ARHGEF3: variants seen among roughly 807,000 people sequenced by gnomAD.
ARHGEF3 encodes the protein 59.8 kDA protein.
Under a neutral mutation model 63.2 loss-of-function variants are expected in ARHGEF3, and 28 were observed. That is an observed-to-expected ratio of 0.44 (90% CI 0.33 to 0.61). ARHGEF3 has a LOEUF of 0.61. Among genes scored for constraint, ARHGEF3 ranks in the 20% least tolerant of loss-of-function variants. The pLI, the probability that ARHGEF3 is intolerant of heterozygous loss-of-function variation, is 0.03. For synonymous variants in ARHGEF3, 266 were observed against 254.2 expected, an observed-to-expected ratio of 1.05 and a Z score of -0.44; for missense variants, 533 against 659.3, an observed-to-expected ratio of 0.81 and a Z score of 2.10.
intron 1 of ARHGEF3, among the ~76,000 whole-genome samples, chr3:56,774,799 G>A (rs1019046687): frequency 4.6e-5 from 7 of 151,996 alleles, no homozygotes; most frequent in African/African-American, 1.7e-4. Flanking sequence ...CTCGGGAGGC[G>A]TGGGATTGCT....
chr3:56,939,762 G>T (rs1452649787), intron 3 of ARHGEF3: 1 of 152,168 alleles, frequency 6.6e-6, no homozygotes, highest in Admixed American at 6.5e-5. Context: ...CCCACATGGA[G>T]TCAGACAGGA....
Position 56,919,172 on chromosome 3 carries a change from T to G in ARHGEF3, c.130-36818A>C, listed in dbSNP as rs376205894. 3.9e-5 allele frequency among the ~76,000 whole-genome samples: 6 copies of G among 152,304 alleles called. 1 individual carries two copies. The highest frequency in any genetic ancestry group is 3.9e-4 in the East Asian group (2 of 5,176). On this transcript the variant is annotated intron_variant, in intron 3 of 12. Transcript: ENST00000338458. ...TCCAGGGTGAGCAGACATTCTAATTTTTTCAATAGAAGCCTGAAATTCAGG... is the reference window on the plus strand; with the variant it reads ...TCCAGGGTGAGCAGACATTCTAATTGTTTCAATAGAAGCCTGAAATTCAGG...
intron 3 of ARHGEF3, among the ~76,000 whole-genome samples, chr3:56,896,117 G>A (rs536328464): frequency 1.3e-5 from 2 of 152,228 alleles, no homozygotes; most frequent in African/African-American, 2.4e-5. Context: ...TTCTTGGGGA[G>A]GGCAGAGTGT....
chr3:56,860,983 A>G (rs1393545186), intron 4 of ARHGEF3, among the ~76,000 whole-genome samples: 4 of 152,208 alleles, frequency 2.6e-5, no homozygotes, highest in Non-Finnish European at 5.9e-5. Context: ...TGAAAAGGCA[A>G]TGCGGCAGAA....
At chr3:56,825,016 T>C (rs1262601984) in intron 4 of ARHGEF3, among the ~76,000 whole-genome samples, 1 of 152,198 alleles carries the variant, frequency 6.6e-6, no homozygotes, top group Non-Finnish European at 1.5e-5. Flanking sequence ...GGAATCCATA[T>C]ACTGGAGTGT....
At chr3:57,076,705 A>G (rs1251291986) in intron 1 of ARHGEF3, 1 of 152,210 alleles carries the variant, frequency 6.6e-6, no homozygotes, top group East Asian at 1.9e-4. Context: ...GCTCCTGACA[A>G]GCAACCAGTT....
At chr3:56,876,842 G>T (rs1340772211) in intron 4 of ARHGEF3, among the ~76,000 whole-genome samples, 1 of 152,200 alleles carries the variant, frequency 6.6e-6, no homozygotes, top group Non-Finnish European at 1.5e-5. Flanking sequence ...AGAGAGGCGT[G>T]TGGGCCCTGT....
chr3:56,960,617 C>T (rs1460644916), intron 2 of ARHGEF3: 3 of 152,206 alleles, frequency 2.0e-5, no homozygotes, highest in Admixed American at 6.5e-5. Flanking sequence ...GCAGGGCTGA[C>T]ACAGAAGAGC....
chr3:56,774,853 C>G (rs768115359), intron 1 of ARHGEF3: 14 of 593,348 alleles, frequency 2.4e-5, no homozygotes, highest in Non-Finnish European at 3.3e-5. Flanking sequence ...GATTGCGCCA[C>G]TGCACTCCAG....
At chr3:56,925,806 C>T (rs1010415504) in intron 3 of ARHGEF3, among the ~76,000 whole-genome samples, 1 of 152,214 alleles carries the variant, frequency 6.6e-6, no homozygotes, top group Non-Finnish European at 1.5e-5. Flanking sequence ...ACACTGGCCA[C>T]AGTGCAGGCA....
intron 4 of ARHGEF3, among the ~76,000 whole-genome samples, chr3:56,843,711 A>C (rs2039391535): frequency 6.7e-6 from 1 of 150,266 alleles, no homozygotes; most frequent in East Asian, 2.0e-4. Flanking sequence ...TATATTGTAA[A>C]GTGAAAATAT....
intron 2 of ARHGEF3, chr3:56,975,620 A>G (rs1415551662): frequency 4.5e-6 from 1 of 223,598 alleles, no homozygotes; most frequent in Non-Finnish European, 9.3e-6. Context: ...GACTTGCCCA[A>G]AATCACACAG....
intron 2 of ARHGEF3, among the ~76,000 whole-genome samples, chr3:57,005,993 G>A (rs112280370): frequency 3.9e-5 from 6 of 152,140 alleles, no homozygotes; most frequent in Non-Finnish European, 7.3e-5. Flanking sequence ...ACAACATACA[G>A]CCTTCAAGCC....
At chr3:56,941,556 CTT>C (rs1699186908) in intron 3 of ARHGEF3, among the ~76,000 whole-genome samples, 1 of 152,214 alleles carries the variant, frequency 6.6e-6, no homozygotes. Flanking sequence ...AGACCTGAAA[CTT>C]TTAATATAAG....
intron 4 of ARHGEF3, among the ~76,000 whole-genome samples, chr3:56,820,723 C>T (rs1345487998): frequency 1.3e-5 from 2 of 152,150 alleles, no homozygotes; most frequent in Non-Finnish European, 2.9e-5. Context: ...GTCTTTGAGA[C>T]AAATTAACAA....
chr3:56,737,486 G>GA, intron 7 of ARHGEF3, 131 bp from the exon 8 acceptor site: 1 of 601,418 alleles, frequency 1.7e-6, no homozygotes, highest in African/African-American at 2.9e-5. Context: ...TTGCTACTTT[G>GA]GGAAAAGAGA....
upstream of ARHGEF3, among the ~76,000 whole-genome samples, chr3:56,805,412 T>G (rs2107984497): frequency 6.6e-6 from 1 of 152,222 alleles, no homozygotes. Context: ...TTTTTATATT[T>G]TTTGTAGAGA....
Position 57,067,785 on chromosome 3 carries a change from T to C in ARHGEF3, c.-28+11441A>G, listed in dbSNP as rs185548241. ...TCATGAGGTCAGGAGATCGAGACCA[T>C]TGGCTAACACGGTGAAACCCCGTCT... On this transcript the variant is annotated intron_variant, in intron 1 of 12. Coordinates refer to the ARHGEF3 transcript ENST00000338458. 6.2e-3 allele frequency among the ~76,000 whole-genome samples: 919 copies of C among 149,278 alleles called. 9 individuals are homozygous for C. The highest frequency in any genetic ancestry group is 9.5e-3 in the Non-Finnish European group (637 of 67,356).
intron 1 of ARHGEF3, among the ~76,000 whole-genome samples, chr3:57,071,611 G>C (rs1051749467): frequency 6.8e-6 from 1 of 147,562 alleles, no homozygotes; most frequent in Non-Finnish European, 1.5e-5. Flanking sequence ...AGTGAGCCGA[G>C]ATCATGCCAC....
Sources: gnomAD v4.1 joint callset for allele counts (sites outside exome capture counted in the v4.1 genomes callset) on GRCh38, gnomAD v4.1.1 for gene constraint, MANE v1.5 for transcripts, NCBI Gene and HGNC (gene_info 2026-07-23, HGNC 2026-07-21) for gene names.